The following NEO1 variants were observed in gnomAD, a reference collection of about 807,000 sequenced individuals.
NEO1 encodes the protein neogenin 1, also known as neogenin.
A neutral mutation model predicts 159.7 loss-of-function variants in NEO1; 63 were observed. The ratio of observed to expected loss-of-function variants is 0.39; its 90% CI spans 0.32 to 0.49. The LOEUF is 0.49. Among genes scored for constraint, NEO1 ranks in the 20% least tolerant of loss-of-function variants. The pLI, the probability that NEO1 is intolerant of heterozygous loss-of-function variation, is 0.85. For missense variants in NEO1, 1,615 were observed against 1,831.0 expected, an observed-to-expected ratio of 0.88 and a Z score of 2.15; for synonymous variants, 633 against 662.0, an observed-to-expected ratio of 0.96 and a Z score of 0.67.
intron 25 of NEO1, among the ~76,000 whole-genome samples, chr15:73,293,079 A>C (rs1298397681): frequency 6.6e-6 from 1 of 152,266 alleles, no homozygotes; most frequent in East Asian, 1.9e-4. Context: ...GAAAATACAG[A>C]TAAGCCAAAA....
At chr15:73,183,961 ATACT>A (rs1220072071) in intron 7 of NEO1, among the ~76,000 whole-genome samples, 2 of 152,182 alleles carry the variant, frequency 1.3e-5, no homozygotes, top group African/African-American at 2.4e-5. Context: ...GGTGTAAATA[ATACT>A]TACTGTTGTT....
intron 16 of NEO1, among the ~76,000 whole-genome samples, chr15:73,269,653 C>T (rs998639953): frequency 6.6e-6 from 1 of 152,198 alleles, no homozygotes; most frequent in African/African-American, 2.4e-5. Flanking sequence ...AGCCACTGCA[C>T]CTGGCCTCAT....
rs767851153 is a variant in NEO1, at chr15:73,126,368, C to G, written c.725-49C>G. 13 of 1,509,672 alleles carry G rather than the reference C, an allele frequency of 8.6e-6. No individual in the cohort carries two copies. The South Asian group carries it at 1.6e-4, about 19-fold the overall frequency. 93.5% of individuals were successfully genotyped at this position (1,509,672 alleles called of 1,614,324 possible). ...TATGGGTGTGAGCCACCATGTCCAG[C>G]CTGTTTTGTCCTTTAATTATTGTCT... is the stretch of plus-strand genomic sequence containing the variant. On this transcript the variant is annotated intron_variant, in intron 3 of 28. Coordinates refer to ENST00000261908, the MANE Select transcript of NEO1 (RefSeq NM_002499.4).
intron 7 of NEO1, among the ~76,000 whole-genome samples, chr15:73,230,781 G>A (rs1008480288): frequency 6.6e-6 from 1 of 151,970 alleles, no homozygotes; most frequent in African/African-American, 2.4e-5. Context: ...TTGTAGAGAT[G>A]GGGTCTCACT....
At chr15:73,197,745 A>G (rs137873545) in intron 7 of NEO1, among the ~76,000 whole-genome samples, 2,060 of 150,534 alleles carry the variant, frequency 0.014, 20 homozygotes, top group Middle Eastern at 0.017. Flanking sequence ...CAGTGGCGCA[A>G]TTTCGGCTCA....
chr15:73,114,525 A>G (rs1397077799), intron 1 of NEO1, among the ~76,000 whole-genome samples: 2 of 152,132 alleles, frequency 1.3e-5, no homozygotes, highest in East Asian at 3.8e-4. Flanking sequence ...TTTGAGTGTA[A>G]TTCACTCTTA....
rs529590318 is a variant in NEO1 at position 73,273,764 on chromosome 15, G to C, written c.2966-47G>C. ...ACTTATTGATTTACTGAAGGCAAAA[G>C]GAAAAGCAGGAGTGAGATTTCTTTT... On this transcript the variant is annotated intron_variant, in intron 19 of 28. Transcript: ENST00000261908. The C allele has an allele frequency of 3.0e-5, 44 of 1,486,102 alleles. No individual in the cohort carries two copies. In the East Asian group the frequency reaches 8.2e-4, roughly 28 times the overall value. The allele number at this position is 1,486,102 out of a possible 1,614,324, so 92.1% of individuals were successfully genotyped here.
intron 5 of NEO1, among the ~76,000 whole-genome samples, chr15:73,168,777 TTA>T (rs1220203845): frequency 6.6e-6 from 1 of 152,198 alleles, no homozygotes; most frequent in Admixed American, 6.5e-5. Flanking sequence ...TCTTGCTTTG[TTA>T]GTTGAGTCAG....
At chr15:73,257,994 C>T (rs1231995168) in intron 13 of NEO1, among the ~76,000 whole-genome samples, 1 of 152,198 alleles carries the variant, frequency 6.6e-6, no homozygotes, top group Non-Finnish European at 1.5e-5. Flanking sequence ...CCTACCAACT[C>T]TTCTCCCCTA....
chr15:73,178,300 T>C lies in NEO1; in HGVS notation c.1171-7T>C. 6.2e-7 allele frequency: 1 copy of C among 1,609,958 alleles called. No individual in the cohort carries two copies. The highest frequency in any genetic ancestry group is 8.5e-7 in the Non-Finnish European group (1 of 1,177,410). ...TATGTAATTTTATTTATGCTTTTCT[T>C]CTTCAGAAGGAACATAATCTTCAAG... On this transcript the variant is annotated splice_region_variant and splice_polypyrimidine_tract_variant and intron_variant, in intron 6 of 28. Transcript: ENST00000261908.
chr15:73,201,948 A>G (rs1016763275), intron 7 of NEO1, among the ~76,000 whole-genome samples: 6 of 143,506 alleles, frequency 4.2e-5, no homozygotes, highest in Non-Finnish European at 7.5e-5. Context: ...AGCAAGCTAT[A>G]TCATTCTTTT....
chr15:73,133,368 A>G (rs1459563933), intron 4 of NEO1, among the ~76,000 whole-genome samples: 1 of 152,124 alleles, frequency 6.6e-6, no homozygotes, highest in Non-Finnish European at 1.5e-5. Flanking sequence ...AAGGCATAAG[A>G]ATGGTACAGT....
chr15:73,254,941 G>C, intron 13 of NEO1, 112 bp downstream of exon 13: 1 of 1,229,482 alleles, frequency 8.1e-7, no homozygotes, highest in Non-Finnish European at 1.1e-6. Context: ...AATTTAAAAT[G>C]GTTCAGAAAA....
intron 3 of NEO1, among the ~76,000 whole-genome samples, chr15:73,125,278 G>A (rs1293189734): frequency 6.6e-6 from 1 of 152,326 alleles, no homozygotes; most frequent in East Asian, 1.9e-4. Context: ...AGACAGAGGT[G>A]GATTAATGTC....
intron 5 of NEO1, among the ~76,000 whole-genome samples, chr15:73,169,639 C>G (rs1313950567): frequency 7.2e-6 from 1 of 138,084 alleles, no homozygotes; most frequent in East Asian, 2.4e-4. Flanking sequence ...TCTGCTCCCC[C>G]CTCCTTTTTT....
chr15:73,193,116 A>G (rs938876131), intron 7 of NEO1, among the ~76,000 whole-genome samples: 2 of 152,104 alleles, frequency 1.3e-5, no homozygotes, highest in Non-Finnish European at 2.9e-5. Context: ...CTAGAAGATG[A>G]ATCATGTCAT....
chr15:73,201,344 A>G (rs1273381417), intron 7 of NEO1, among the ~76,000 whole-genome samples: 1 of 151,716 alleles, frequency 6.6e-6, no homozygotes, highest in Non-Finnish European at 1.5e-5. Context: ...AGTTATTTAG[A>G]TATATTTATT....
Position 73,305,105 on chromosome 15 carries a change from C to T in NEO1, c.*2409C>T, listed in dbSNP as rs1212393985. 6.6e-6 allele frequency: 1 copy of T among 152,056 alleles called. No individual in the cohort carries two copies. Among genetic ancestry groups the T allele is most frequent in the Non-Finnish European group, 1.5e-5 (1 of 68,014 alleles). 9.4% of individuals were successfully genotyped at this position (152,056 alleles called of 1,614,324 possible). On this transcript the variant is annotated 3_prime_UTR_variant, in exon 29 of 29. Coordinates refer to ENST00000261908, the MANE Select transcript of NEO1 (RefSeq NM_002499.4). ...TGGCGTCTGTACACACTTGTTTGGCCTTTTCTGTAGTTGATGCTGTAAACT... is the reference window on the plus strand; with the variant it reads ...TGGCGTCTGTACACACTTGTTTGGCTTTTTCTGTAGTTGATGCTGTAAACT...
intron 1 of NEO1, among the ~76,000 whole-genome samples, chr15:73,077,884 G>A (rs1236170177): frequency 2.0e-5 from 3 of 152,180 alleles, no homozygotes; most frequent in Non-Finnish European, 2.9e-5. Context: ...GATAGAATTT[G>A]ATAGATCTTG....
Sources: gnomAD v4.1 joint callset for allele counts (sites outside exome capture counted in the v4.1 genomes callset) on GRCh38, gnomAD v4.1.1 for gene constraint, MANE v1.5 for transcripts, NCBI Gene and HGNC (gene_info 2026-07-23, HGNC 2026-07-21) for gene names.